CORIN: variants seen among roughly 807,000 people sequenced by gnomAD.
CORIN encodes atrial natriuretic peptide-converting enzyme.
Under a neutral mutation model 125.3 loss-of-function variants are expected in CORIN, and 117 were observed. That is an observed-to-expected ratio of 0.93 (90% CI 0.80 to 1.09). The LOEUF is 1.09. Ranked by LOEUF, CORIN falls within the 50% of genes least tolerant of loss-of-function variation. The pLI is 0.00. For missense variants in CORIN, 1,253 were observed against 1,306.7 expected (o/e 0.96, Z 0.63); for synonymous variants, 450 against 466.4 (o/e 0.96, Z 0.45).
chr4:47,655,460 G>T (rs62299171), intron 12 of CORIN, among the ~76,000 whole-genome samples: 17,249 of 152,110 alleles, frequency 0.11, 1,269 homozygotes, highest in African/African-American at 0.21. Flanking sequence ...TGAAGTGAGA[G>T]TCCCAGGCCT....
Position 47,677,026 on chromosome 4 carries a change from CAT to C in CORIN, c.1249+910_1249+911del, listed in dbSNP as rs140090657. On this transcript the variant is annotated intron_variant, in intron 9 of 21. Transcript: ENST00000273857. ...TAAAGTTATTCTAATGATCAATATGCATTACGACAAACCTAATTTATCTATAG... is the reference window on the plus strand; with the variant it reads ...TAAAGTTATTCTAATGATCAATATGCTACGACAAACCTAATTTATCTATAG... Among the ~76,000 whole-genome samples, 1,353 of 152,276 alleles carry C rather than the reference CAT, an allele frequency of 8.9e-3. 8 individuals are homozygous for C. The highest frequency in any genetic ancestry group is 0.014 in the Middle Eastern group (4 of 294).
At position 47,623,117 on chromosome 4, in the gene CORIN, T is replaced by TATATATATACAC. The variant is rs141525347; in HGVS notation, c.2540+453_2540+454insGTGTATATATAT. On this transcript the variant is annotated intron_variant, in intron 19 of 21. Transcript: ENST00000273857. ...CTCTCTATATATATATATATATATA[T>TATATATATACAC]ACACACACACACACACTCTCTCTGA... is the stretch of plus-strand genomic sequence containing the variant. Among the ~76,000 whole-genome samples the TATATATATACAC allele has an allele frequency of 2.9e-3, 384 of 134,436 alleles. 3 individuals are homozygous for TATATATATACAC. Among genetic ancestry groups the TATATATATACAC allele is most frequent in the African/African-American group, 0.011 (359 of 32,342 alleles). 88.2% of individuals were successfully genotyped at this position (134,436 alleles called of 152,430 possible).
At chr4:47,661,029 A>G (rs13146115) in intron 12 of CORIN, among the ~76,000 whole-genome samples, 40,088 of 152,130 alleles carry the variant, frequency 0.26, 5,570 homozygotes, top group Admixed American at 0.36. Context: ...GTTTGCAACA[A>G]CAAGGATAAA....
At chr4:47,619,296 A>G (rs952448946) in intron 19 of CORIN, among the ~76,000 whole-genome samples, 2 of 152,206 alleles carry the variant, frequency 1.3e-5, no homozygotes, top group African/African-American at 4.8e-5. Context: ...TCCCATAAAT[A>G]TAATTAAAAA....
At chr4:47,696,636 G>A (rs974091858) in intron 5 of CORIN, among the ~76,000 whole-genome samples, 1 of 152,158 alleles carries the variant, frequency 6.6e-6, no homozygotes, top group Admixed American at 6.5e-5. Flanking sequence ...TAAAAAGCTA[G>A]TTTACATGTC....
intron 3 of CORIN, among the ~76,000 whole-genome samples, chr4:47,766,703 T>C (rs1729761906): frequency 6.6e-6 from 1 of 152,012 alleles, no homozygotes; most frequent in African/African-American, 2.4e-5. Context: ...CCCAGCACTT[T>C]GGGAGGCTGA....
At chr4:47,711,370 G>A (rs970971326) in intron 5 of CORIN, among the ~76,000 whole-genome samples, 1 of 152,218 alleles carries the variant, frequency 6.6e-6, no homozygotes, top group Admixed American at 6.5e-5. Flanking sequence ...TTTGTGATAG[G>A]TGCAGCCATG....
At chr4:47,683,319 A>G (rs1725369424) in intron 7 of CORIN, 1 of 164,076 alleles carries the variant, frequency 6.1e-6, no homozygotes, top group African/African-American at 2.4e-5. Flanking sequence ...AGGATTAAAT[A>G]AAGGAGGGGA....
intron 10 of CORIN, among the ~76,000 whole-genome samples, chr4:47,666,607 GGAGGTGAT>G (rs1724495238): frequency 6.6e-6 from 1 of 152,170 alleles, no homozygotes; most frequent in Admixed American, 6.5e-5. Context: ...GGGGCCTTTG[GGAGGTGAT>G]GAGGTTTCAA....
intron 2 of CORIN, among the ~76,000 whole-genome samples, chr4:47,802,681 G>A (rs1731599329): frequency 1.3e-5 from 2 of 152,324 alleles, no homozygotes; most frequent in South Asian, 4.1e-4. Flanking sequence ...TGAGGCCTGG[G>A]GGAGCTCACT....
intron 16 of CORIN, among the ~76,000 whole-genome samples, chr4:47,632,761 A>G (rs1722880068): frequency 7.4e-6 from 1 of 135,710 alleles, no homozygotes. Context: ...ATAGATAGAT[A>G]GATAGAGATA....
intron 16 of CORIN, among the ~76,000 whole-genome samples, chr4:47,641,416 G>T (rs61759685): frequency 1.3e-5 from 2 of 152,150 alleles, no homozygotes; most frequent in Non-Finnish European, 2.9e-5. Flanking sequence ...ATCCATTTCA[G>T]TATATCTGTA....
At chr4:47,760,560 A>T (rs1729400848) in intron 4 of CORIN, among the ~76,000 whole-genome samples, 1 of 152,202 alleles carries the variant, frequency 6.6e-6, no homozygotes, top group African/African-American at 2.4e-5. Context: ...ACACTTATAG[A>T]GTATGAGTAG....
rs61762916 is a variant in CORIN at position 47,734,461 on chromosome 4, T to G, written c.799+9941A>C. 7.9e-3 allele frequency among the ~76,000 whole-genome samples: 1,205 copies of G among 152,316 alleles called. 18 individuals are homozygous for G. Among genetic ancestry groups the G allele is most frequent in the African/African-American group, 0.026 (1,093 of 41,560 alleles). On this transcript the variant is annotated intron_variant, in intron 5 of 21. Coordinates refer to ENST00000273857, the MANE Select transcript of CORIN (RefSeq NM_006587.4). The stretch of plus-strand genomic sequence containing the variant: ...TAGGAGCCTTTCTCTTTTAAAATAT[T>G]CAGGATTCATTTATGTAATTGACTT...
At chr4:47,661,892 A>T (rs906179264) in intron 11 of CORIN, 36 bp from the exon 12 acceptor site, 1 of 1,559,068 alleles carries the variant, frequency 6.4e-7, no homozygotes, top group Admixed American at 1.8e-5. Context: ...TTAGAAGCAG[A>T]AATAGCTCCA....
At position 47,595,543 on chromosome 4, in the gene CORIN, G is replaced by A; in HGVS notation, c.*178C>T. 1 of 424,020 alleles carries A rather than the reference G, an allele frequency of 2.4e-6. No individual in the cohort carries two copies. Among genetic ancestry groups the A allele is most frequent in the Non-Finnish European group, 4.1e-6 (1 of 241,664 alleles). The allele number at this position is 424,020 out of a possible 1,614,324, so 26.3% of individuals were successfully genotyped here. ...AACTTGAAATAAGAGAAAAATGAAGGTGAAAAAATAAATTGAAAAAAATTA... is the reference window on the plus strand; with the variant it reads ...AACTTGAAATAAGAGAAAAATGAAGATGAAAAAATAAATTGAAAAAAATTA... On this transcript the variant is annotated 3_prime_UTR_variant, in exon 22 of 22. Transcript: ENST00000273857.
At chr4:47,625,300 A>G (rs951823301) in intron 17 of CORIN, among the ~76,000 whole-genome samples, 2 of 152,172 alleles carry the variant, frequency 1.3e-5, no homozygotes, top group African/African-American at 4.8e-5. Context: ...GCTCTTAGGA[A>G]TAGGAAAAGT....
intron 16 of CORIN, among the ~76,000 whole-genome samples, chr4:47,628,586 C>G (rs1722681130): frequency 6.6e-6 from 1 of 152,086 alleles, no homozygotes; most frequent in Admixed American, 6.6e-5. Flanking sequence ...TTCCACATTA[C>G]CAAATCTTTG....
At chr4:47,709,271 C>CTTTATTTA (rs71199994) in intron 5 of CORIN, among the ~76,000 whole-genome samples, 59 of 148,460 alleles carry the variant, frequency 4.0e-4, no homozygotes, top group Middle Eastern at 3.5e-3. Context: ...ATTTGCAGTA[C>CTTTATTTA]TTTATTTATT....
Sources: allele counts gnomAD v4.1 joint callset (sites outside exome capture counted in the v4.1 genomes callset), GRCh38; gene constraint gnomAD v4.1.1; transcripts MANE v1.5; gene names NCBI Gene and HGNC (gene_info 2026-07-23, HGNC 2026-07-21).